PUS10: variants seen among roughly 807,000 people sequenced by gnomAD.
PUS10 encodes the protein tRNA pseudouridine synthase Pus10.
In PUS10, 59 loss-of-function variants were observed where a neutral mutation model predicts 75.0. That is an observed-to-expected ratio of 0.79 (90% CI 0.64 to 0.98). The LOEUF (loss-of-function observed/expected upper bound fraction) is 0.98, where lower values mean the gene tolerates loss of function less well. Ranked by LOEUF, PUS10 falls within the 50% of genes least tolerant of loss-of-function variation. The pLI is 0.00. For missense variants in PUS10, 650 were observed against 614.4 expected, an observed-to-expected ratio of 1.06 and a Z score of -0.61; for synonymous variants, 219 against 211.6, an observed-to-expected ratio of 1.03 and a Z score of -0.30.
chr2:61,017,871 G>C lies in PUS10; in HGVS notation c.-16+137C>G, dbSNP rs1303497941. On this transcript the variant is annotated intron_variant, in intron 1 of 17. Transcript: ENST00000316752. Reference sequence around the variant, plus strand: ...TTTCCAGTGAGTGTGGGATTCTTCAGGCTGTGAGTTTAGTGGGCCCGAGCG... The same window carrying C: ...TTTCCAGTGAGTGTGGGATTCTTCACGCTGTGAGTTTAGTGGGCCCGAGCG... 4.0e-5 allele frequency: 62 copies of C among 1,549,112 alleles called. No individual in the cohort carries two copies. The highest frequency in any genetic ancestry group is 5.9e-5 in the Admixed American group (3 of 50,976).
At chr2:60,968,656 C>A (rs1676485448) in intron 5 of PUS10, among the ~76,000 whole-genome samples, 1 of 146,370 alleles carries the variant, frequency 6.8e-6, no homozygotes. Flanking sequence ...TCTAAAAATG[C>A]AAAATAAGAA....
In PUS10 at chr2:61,008,913, C is replaced by T. The variant is rs1679420753; in HGVS notation, c.229G>A (p.Glu77Lys). 3 of 1,613,848 alleles carry T rather than the reference C, an allele frequency of 1.9e-6. No individual in the cohort carries two copies. The highest frequency in any genetic ancestry group is 2.5e-6 in the Non-Finnish European group (3 of 1,179,858). The part of the protein sequence containing the change: ...PPKKIRLQEL[E>K]DSIDNLSQNG... ...TGACTTAGATTATCAATACTATCTT[C>T]CAGTTCTTGCAGTCGAATTTTCTTG... The change falls in exon 3 of 18, where the codon GAA (glutamate) becomes AAA (lysine). Residue 77 changes from glutamate to lysine, a missense_variant. Physicochemically the swap from Glu to Lys is moderately conservative, Grantham distance 56. Coordinates refer to ENST00000316752, the MANE Select transcript of PUS10 (RefSeq NM_144709.4).
chr2:61,014,394 A>G (rs1679834250), intron 1 of PUS10, among the ~76,000 whole-genome samples: 2 of 152,144 alleles, frequency 1.3e-5, no homozygotes, highest in African/African-American at 2.4e-5. Flanking sequence ...AAACAAGCAA[A>G]CAAACAAACA....
intron 4 of PUS10, among the ~76,000 whole-genome samples, chr2:60,976,032 G>A (rs1329175942): frequency 1.3e-5 from 2 of 152,112 alleles, no homozygotes; most frequent in Non-Finnish European, 2.9e-5. Flanking sequence ...AAAGTGCTGG[G>A]ATTACAGGCA....
intron 17 of PUS10, among the ~76,000 whole-genome samples, chr2:60,943,430 C>A (rs1161352705): frequency 6.6e-6 from 1 of 150,576 alleles, no homozygotes; most frequent in Non-Finnish European, 1.5e-5. Context: ...AAACACATAC[C>A]AGGTCTATCA....
At chr2:60,967,790 G>T (rs572469976) in intron 5 of PUS10, among the ~76,000 whole-genome samples, 177 bp from the exon 6 acceptor site, 1 of 152,152 alleles carries the variant, frequency 6.6e-6, no homozygotes, top group East Asian at 1.9e-4. Flanking sequence ...TCACCTCATG[G>T]ACCTTATACT....
At chr2:60,947,844 A>G (rs868466166) in intron 16 of PUS10, among the ~76,000 whole-genome samples, 199 bp downstream of exon 16, 129 of 151,318 alleles carry the variant, frequency 8.5e-4, no homozygotes, top group Middle Eastern at 3.4e-3. Context: ...AAAAAAAAAA[A>G]AAAAAAGAAA....
chr2:60,981,782 T>A (rs1677410703), intron 4 of PUS10, among the ~76,000 whole-genome samples: 1 of 152,180 alleles, frequency 6.6e-6, no homozygotes, highest in Non-Finnish European at 1.5e-5. Flanking sequence ...TGCCTCTACA[T>A]TCAATTTGCT....
At chr2:60,947,828 CAAAA>C (rs890632119) in intron 16 of PUS10, among the ~76,000 whole-genome samples, 1 of 46,066 alleles carries the variant, frequency 2.2e-5, no homozygotes, top group Admixed American at 2.2e-4. Flanking sequence ...GACTCTGCCT[CAAAA>C]AAAAAAAAAA....
intron 1 of PUS10, among the ~76,000 whole-genome samples, chr2:61,014,496 C>CA (rs1420167489): frequency 6.6e-6 from 1 of 152,086 alleles, no homozygotes; most frequent in Non-Finnish European, 1.5e-5. Context: ...AATAAACTCA[C>CA]AAAAAAATAC....
At chr2:60,999,992 TTA>T (rs1217485168) in intron 4 of PUS10, among the ~76,000 whole-genome samples, 1 of 152,136 alleles carries the variant, frequency 6.6e-6, no homozygotes, top group Non-Finnish European at 1.5e-5. Flanking sequence ...GTATACCATT[TTA>T]TATGAGAAAC....
At position 60,961,512 on chromosome 2, in the gene PUS10, T is replaced by A. The variant is rs766852592; in HGVS notation, c.825A>T (p.Val275=). The A allele has an allele frequency of 6.2e-7, 1 of 1,614,160 alleles. No individual in the cohort carries two copies. The highest frequency in any genetic ancestry group is 8.5e-7 in the Non-Finnish European group (1 of 1,179,994). The change falls in exon 10 of 18, where the codon GTA becomes GTT. Residue 275 remains valine (V), a synonymous_variant. Coordinates refer to ENST00000316752, the MANE Select transcript of PUS10 (RefSeq NM_144709.4). ...CACATTCAATTTCAAGAACAGCGCA[T>A]ACAGCCTTTGGTGAGTTTGGAGGAC... is the stretch of plus-strand genomic sequence containing the variant. ...FPCPPNSPKA[V]CAVLEIECAH...
chr2:60,968,407 A>G (rs1349529966), intron 5 of PUS10, among the ~76,000 whole-genome samples: 1 of 152,152 alleles, frequency 6.6e-6, no homozygotes, highest in Admixed American at 6.5e-5. Flanking sequence ...TAAAACTTCA[A>G]ACCAGCCTTA....
At position 61,018,240 on chromosome 2, in the gene PUS10, A is replaced by C; in HGVS notation, c.-248T>G. ...GCATTTGTCCAGCCACGGCATCGAC[A>C]GGGAGCAAAGTCTCTCCTTAAAGGT... On this transcript the variant is annotated 5_prime_UTR_variant, in exon 1 of 18. Transcript: ENST00000316752. 7 of 1,551,152 alleles carry C rather than the reference A, an allele frequency of 4.5e-6. No homozygotes were observed. The highest frequency in any genetic ancestry group is 6.1e-6 in the Non-Finnish European group (7 of 1,147,008).
intron 2 of PUS10, chr2:61,010,756 T>G (rs1679545129): frequency 6.5e-7 from 1 of 1,548,398 alleles, no homozygotes; most frequent in African/African-American, 1.4e-5. Flanking sequence ...GAACTGGGAT[T>G]CAAATCCATG....
intron 1 of PUS10, chr2:61,017,140 C>G (rs1680047119): frequency 6.6e-6 from 1 of 152,550 alleles, no homozygotes; most frequent in Admixed American, 6.5e-5. Flanking sequence ...TCCTTCACCT[C>G]TTACCTACCC....
At chr2:60,949,428 C>T (rs776856093) in intron 15 of PUS10, among the ~76,000 whole-genome samples, 1 of 152,158 alleles carries the variant, frequency 6.6e-6, no homozygotes, top group Non-Finnish European at 1.5e-5. Context: ...GGAAATACCA[C>T]GAGCCACATG....
intron 4 of PUS10, among the ~76,000 whole-genome samples, chr2:60,981,244 T>C (rs1677371344): frequency 6.6e-6 from 1 of 151,980 alleles, no homozygotes; most frequent in Non-Finnish European, 1.5e-5. Context: ...ATGTTGGTTA[T>C]AGCTATCAAT....
intron 4 of PUS10, among the ~76,000 whole-genome samples, chr2:60,996,208 G>A (rs1233668111): frequency 6.6e-6 from 1 of 152,166 alleles, no homozygotes; most frequent in East Asian, 1.9e-4. Context: ...TCTTGTGCCA[G>A]CACCCCAATA....
Sources: allele counts gnomAD v4.1 joint callset (sites outside exome capture counted in the v4.1 genomes callset), GRCh38; gene constraint gnomAD v4.1.1; transcripts MANE v1.5; gene names NCBI Gene and HGNC (gene_info 2026-07-23, HGNC 2026-07-21).